TAMM41: variants seen among roughly 807,000 people sequenced by gnomAD.
TAMM41 encodes phosphatidate cytidylyltransferase, mitochondrial.
TAMM41 carries 36 observed loss-of-function variants against 44.1 expected under a neutral mutation model. The observed-to-expected ratio is 0.82, with a 90% CI of 0.63 to 1.08. TAMM41 has a LOEUF of 1.08. Ranked by LOEUF, TAMM41 falls within the 50% of genes least tolerant of loss-of-function variation. The pLI is 0.00. For synonymous variants in TAMM41, 164 were observed against 153.1 expected, an observed-to-expected ratio of 1.07 and a Z score of -0.53; for missense variants, 417 against 404.3, an observed-to-expected ratio of 1.03 and a Z score of -0.27.
At chr3:11,794,500 C>A (rs1184511824) in intron 7 of TAMM41, among the ~76,000 whole-genome samples, 1 of 152,144 alleles carries the variant, frequency 6.6e-6, no homozygotes, top group African/African-American at 2.4e-5. Context: ...TCACTCCTTC[C>A]CCAGTGGATA....
At chr3:11,810,776 C>T (rs545675338) in intron 5 of TAMM41, 1 of 151,978 alleles carries the variant, frequency 6.6e-6, no homozygotes, top group Non-Finnish European at 1.5e-5. Flanking sequence ...AAGTACATAC[C>T]AAATGGGCCA....
At chr3:11,758,785 C>T in the TAMM41 span, among the ~76,000 whole-genome samples, 9 of 151,806 alleles carry the variant, frequency 5.9e-5, no homozygotes, top group East Asian at 3.9e-4. Context: ...GTGATTCTCC[C>T]GCCTCAGCCT....
intron 3 of TAMM41, among the ~76,000 whole-genome samples, chr3:11,832,710 C>T (rs1207876794): frequency 6.6e-6 from 1 of 152,206 alleles, no homozygotes; most frequent in Non-Finnish European, 1.5e-5. Context: ...TTCCACAACT[C>T]TGTGATGTCT....
At chr3:11,789,790 G>A (rs528303552), downstream of TAMM41, among the ~76,000 whole-genome samples, 12 of 152,332 alleles carry the variant, frequency 7.9e-5, no homozygotes, top group South Asian at 2.3e-3. Context: ...CACAGCCCTT[G>A]AAGCTGCTGC....
the TAMM41 span, among the ~76,000 whole-genome samples, chr3:11,776,873 C>G: frequency 3.3e-5 from 5 of 152,178 alleles, no homozygotes; most frequent in African/African-American, 1.2e-4. Flanking sequence ...ACATTGGAGA[C>G]ATTATGCTTA....
intron 4 of TAMM41, among the ~76,000 whole-genome samples, chr3:11,828,855 T>C (rs1297352239): frequency 6.6e-6 from 1 of 152,234 alleles, no homozygotes; most frequent in Non-Finnish European, 1.5e-5. Context: ...GGAGGCTAAG[T>C]AAACTGCTTT....
intron 3 of TAMM41, 101 bp from the exon 4 acceptor site, chr3:11,829,965 T>C (rs115734443): frequency 0.01 from 12,222 of 1,186,908 alleles, 77 homozygotes; most frequent in Middle Eastern, 0.016. Flanking sequence ...CTCTTCCCAC[T>C]GAAGATCTTG....
intron 3 of TAMM41, among the ~76,000 whole-genome samples, chr3:11,831,967 A>G (rs1285026022): frequency 6.6e-6 from 1 of 152,182 alleles, no homozygotes; most frequent in African/African-American, 2.4e-5. Flanking sequence ...TCATCTGCAG[A>G]GAGTAACCCA....
chr3:11,832,726 CTTCCACA>C (rs1269344820), intron 3 of TAMM41, among the ~76,000 whole-genome samples: 1 of 152,224 alleles, frequency 6.6e-6, no homozygotes, highest in Non-Finnish European at 1.5e-5. Context: ...TGTCTCTCTA[CTTCCACA>C]TTCCCGTTCT....
the TAMM41 span, among the ~76,000 whole-genome samples, chr3:11,770,978 A>G: frequency 6.6e-6 from 1 of 152,018 alleles, no homozygotes; most frequent in African/African-American, 2.4e-5. Context: ...CTCTCTGCCC[A>G]GACCTGCTCT....
At chr3:11,836,398 G>A (rs2079177743) in intron 3 of TAMM41, among the ~76,000 whole-genome samples, 1 of 152,214 alleles carries the variant, frequency 6.6e-6, no homozygotes, top group Non-Finnish European at 1.5e-5. Flanking sequence ...TAGGTGGCAG[G>A]ACTGAATATG....
At chr3:11,801,601 C>T (rs1365278753) in intron 7 of TAMM41, among the ~76,000 whole-genome samples, 2 of 152,136 alleles carry the variant, frequency 1.3e-5, no homozygotes, top group Non-Finnish European at 2.9e-5. Context: ...GCTGGGATTA[C>T]AGGCATGAGC....
intron 7 of TAMM41, among the ~76,000 whole-genome samples, chr3:11,798,097 CA>C (rs1415877611): frequency 6.6e-6 from 1 of 152,090 alleles, no homozygotes; most frequent in Non-Finnish European, 1.5e-5. Flanking sequence ...GCCGATTCCT[CA>C]AAAACCTAAA....
At chr3:11,739,631 C>A in the TAMM41 span, among the ~76,000 whole-genome samples, 4 of 139,798 alleles carry the variant, frequency 2.9e-5, no homozygotes, top group African/African-American at 1.1e-4. Flanking sequence ...AAGATAACAC[C>A]ACTGCACTCC....
chr3:11,748,023 C>T, the TAMM41 span, among the ~76,000 whole-genome samples: 1 of 150,608 alleles, frequency 6.6e-6, no homozygotes, highest in Non-Finnish European at 1.5e-5. Context: ...TACAGGCGCA[C>T]ACCACTACAC....
chr3:11,808,194 A>T (rs2077977311), intron 6 of TAMM41: 2 of 1,060,014 alleles, frequency 1.9e-6, no homozygotes, highest in South Asian at 7.7e-5. Flanking sequence ...AGGGCATTTT[A>T]TGACTTAAAT....
the TAMM41 span, among the ~76,000 whole-genome samples, chr3:11,723,517 G>A: frequency 6.6e-6 from 1 of 151,046 alleles, no homozygotes; most frequent in South Asian, 2.1e-4. Flanking sequence ...GGAAGTTGAG[G>A]CTACAGTGAT....
At chr3:11,788,318 G>A (rs1190868567), downstream of TAMM41, among the ~76,000 whole-genome samples, 1 of 152,208 alleles carries the variant, frequency 6.6e-6, no homozygotes, top group African/African-American at 2.4e-5. Flanking sequence ...ATAAGCAGTG[G>A]AGAATCCATT....
rs1377774672 is a variant in TAMM41 at position 11,840,565 on chromosome 3, C to G, written c.319-1251G>C. ...AAACTCTTTACAGCAATACCACAGT[C>G]ACAGTGAACCGATTTTGTCCATGCG... is the stretch of plus-strand genomic sequence containing the variant. On this transcript the variant is annotated intron_variant, in intron 2 of 7. Coordinates refer to ENST00000455809, the MANE Select transcript of TAMM41 (RefSeq NM_001284401.2). 3.3e-5 allele frequency among the ~76,000 whole-genome samples: 5 copies of G among 151,984 alleles called. No homozygotes were observed. In the East Asian group the frequency reaches 7.7e-4, roughly 23 times the overall value.
Sources: gnomAD v4.1 joint callset for allele counts (sites outside exome capture counted in the v4.1 genomes callset) on GRCh38, gnomAD v4.1.1 for gene constraint, MANE v1.5 for transcripts, NCBI Gene and HGNC (gene_info 2026-07-23, HGNC 2026-07-21) for gene names.